The following GFRAL variants were observed in gnomAD, a reference collection of about 807,000 sequenced individuals.
GFRAL encodes the protein GDNF family receptor alpha like, also known as GDNF family receptor alpha-like.
GFRAL carries 36 observed loss-of-function variants against 45.4 expected under a neutral mutation model. That is an observed-to-expected ratio of 0.79 (90% CI 0.61 to 1.05). The LOEUF is 1.05. Among genes scored for constraint, GFRAL ranks in the 50% least tolerant of loss-of-function variants. The pLI is 0.00. For synonymous variants in GFRAL, 166 were observed against 154.1 expected, an observed-to-expected ratio of 1.08 and a Z score of -0.57; for missense variants, 507 against 467.5, an observed-to-expected ratio of 1.08 and a Z score of -0.78.
rs746131173 is a variant in GFRAL, at chr6:55,399,189, C to A, written c.962C>A (p.Thr321Asn). The change falls in exon 7 of 9, where the codon ACC becomes AAC. Residue 321 changes from threonine (T) to asparagine (N), a missense_variant. Physicochemically the swap from Thr to Asn is moderately conservative, Grantham distance 65. Transcript: ENST00000340465. ...TATGATTTTCTTTCAGATTATCCAA[C>A]CCTGTCTAATGTCAAAGGCATGGCA... ...LHRKSCFNYP[T>N]LSNVKGMALY... 7.7e-6 allele frequency: 12 copies of A among 1,566,482 alleles called. No individual in the cohort carries two copies. In the South Asian group the frequency reaches 1.2e-4, roughly 15 times the overall value.
intron 3 of GFRAL, 76 bp downstream of exon 3, chr6:55,334,020 A>G: frequency 1.2e-6 from 1 of 825,888 alleles, no homozygotes; most frequent in Non-Finnish European, 1.8e-6. Flanking sequence ...ACATCTATGT[A>G]ATGTGATTAA....
intron 3 of GFRAL, among the ~76,000 whole-genome samples, chr6:55,346,939 G>T (rs910792228): frequency 1.3e-5 from 2 of 151,250 alleles, no homozygotes; most frequent in Non-Finnish European, 2.9e-5. Flanking sequence ...AATATTGGTG[G>T]TAATTAATTT....
At chr6:55,395,173 A>ATATATATATATATATATAT (rs35935725) in intron 6 of GFRAL, among the ~76,000 whole-genome samples, 6 of 103,558 alleles carry the variant, frequency 5.8e-5, no homozygotes, top group African/African-American at 2.5e-4. Flanking sequence ...AAAAAAAAAA[A>ATATATATATATATATATAT]AAATATATAT....
intron 6 of GFRAL, among the ~76,000 whole-genome samples, chr6:55,390,418 G>A (rs1347459158): frequency 6.6e-6 from 1 of 152,148 alleles, no homozygotes; most frequent in East Asian, 1.9e-4. Flanking sequence ...TCAGGCTGAA[G>A]GCACAGTTGC....
At chr6:55,354,963 A>C (rs1768167822) in intron 5 of GFRAL, among the ~76,000 whole-genome samples, 1 of 151,950 alleles carries the variant, frequency 6.6e-6, no homozygotes, top group South Asian at 2.1e-4. Context: ...ATGTCTTGCC[A>C]ATTTCACAAA....
At chr6:55,377,117 G>A (rs1396862806) in intron 6 of GFRAL, among the ~76,000 whole-genome samples, 1 of 151,870 alleles carries the variant, frequency 6.6e-6, no homozygotes, top group Non-Finnish European at 1.5e-5. Context: ...CTACTGGCTG[G>A]GTGGATATCT....
At chr6:55,334,149 T>C (rs1267450103) in intron 3 of GFRAL, among the ~76,000 whole-genome samples, 2 of 152,156 alleles carry the variant, frequency 1.3e-5, no homozygotes, top group Non-Finnish European at 2.9e-5. Flanking sequence ...GTTCTTGATG[T>C]ACCTTGGGGT....
In GFRAL at chr6:55,379,510, A is replaced by G. The variant is rs757779440; in HGVS notation, c.953-19670A>G. On this transcript the variant is annotated intron_variant, in intron 6 of 8. Transcript: ENST00000340465. ...TATGTTTTGCTTTTTCCCCAAATTTATATATTTTTTAAATTGATATAAAAA... is the reference window on the plus strand; with the variant it reads ...TATGTTTTGCTTTTTCCCCAAATTTGTATATTTTTTAAATTGATATAAAAA... Among the ~76,000 whole-genome samples, 738 of 127,130 alleles carry G rather than the reference A, an allele frequency of 5.8e-3. 3 individuals carry two copies. Among genetic ancestry groups the G allele is most frequent in the Non-Finnish European group, 7.5e-3 (419 of 55,538 alleles). 83.4% of individuals were successfully genotyped at this position (127,130 alleles called of 152,430 possible).
At chr6:55,377,240 C>T (rs1037417301) in intron 6 of GFRAL, among the ~76,000 whole-genome samples, 1 of 151,994 alleles carries the variant, frequency 6.6e-6, no homozygotes, top group Non-Finnish European at 1.5e-5. Flanking sequence ...TAAGACAATT[C>T]TCCATATTTT....
rs182527384 is a variant in GFRAL at position 55,384,114 on chromosome 6, G to T, written c.953-15066G>T. Reference sequence around the variant, plus strand: ...AGGGAGGGGAACATCACACACTGGGGCCTGTTGGGGGGTTGGGAGCTAGTG... The same window carrying T: ...AGGGAGGGGAACATCACACACTGGGTCCTGTTGGGGGGTTGGGAGCTAGTG... On this transcript the variant is annotated intron_variant, in intron 6 of 8. Coordinates refer to ENST00000340465, the MANE Select transcript of GFRAL (RefSeq NM_207410.2). Among the ~76,000 whole-genome samples the T allele has an allele frequency of 3.9e-5, 6 of 152,100 alleles. No homozygotes were observed. In the East Asian group the frequency reaches 1.2e-3, roughly 29 times the overall value.
At chr6:55,395,850 C>T (rs1768818407) in intron 6 of GFRAL, among the ~76,000 whole-genome samples, 1 of 151,196 alleles carries the variant, frequency 6.6e-6, no homozygotes, top group African/African-American at 2.4e-5. Context: ...GAGAATATTA[C>T]CTAAATTTGT....
intron 6 of GFRAL, among the ~76,000 whole-genome samples, chr6:55,376,914 T>C (rs1295794244): frequency 6.6e-6 from 1 of 151,994 alleles, no homozygotes; most frequent in Non-Finnish European, 1.5e-5. Flanking sequence ...TTCAATCTTA[T>C]CTTTTACTAT....
intron 3 of GFRAL, among the ~76,000 whole-genome samples, chr6:55,348,935 T>C (rs1446062698): frequency 6.6e-6 from 1 of 152,100 alleles, no homozygotes; most frequent in African/African-American, 2.4e-5. Flanking sequence ...TAAAAGAATG[T>C]CCAGCCTAGA....
intron 6 of GFRAL, among the ~76,000 whole-genome samples, chr6:55,374,073 A>G (rs1214979515): frequency 2.0e-5 from 3 of 152,178 alleles, no homozygotes; most frequent in Non-Finnish European, 4.4e-5. Context: ...TGAAAAGGAT[A>G]TGATCTCATT....
Position 55,327,479 on chromosome 6 carries a change from CA to C in GFRAL, c.-75del. On this transcript the variant is annotated 5_prime_UTR_variant, in exon 1 of 9. Transcript: ENST00000340465. Reference sequence around the variant, plus strand: ...ACAGAGGCTGAAGCCTTATTCTGGACAGTTACTCTTAAGAAAGTTGTCAGAA... The same window carrying C: ...ACAGAGGCTGAAGCCTTATTCTGGACGTTACTCTTAAGAAAGTTGTCAGAA... 1 of 1,496,140 alleles carries C rather than the reference CA, an allele frequency of 6.7e-7. No homozygotes were observed. Among genetic ancestry groups the C allele is most frequent in the Non-Finnish European group, 9.3e-7 (1 of 1,076,484 alleles). 92.7% of individuals were successfully genotyped at this position (1,496,140 alleles called of 1,614,324 possible). A position where few individuals can be genotyped will look rare whatever the true frequency, so the allele number is the denominator to read the frequency against.
Position 55,338,852 on chromosome 6 carries a change from A to G in GFRAL, c.316+4908A>G, listed in dbSNP as rs78670521. ...TGAAAAGGAGGAAGGCTGAACTTAC[A>G]TATCTTTCTAAAGAGATTAGACTTT... On this transcript the variant is annotated intron_variant, in intron 3 of 8. Coordinates refer to ENST00000340465, the MANE Select transcript of GFRAL (RefSeq NM_207410.2). Among the ~76,000 whole-genome samples, 648 of 152,328 alleles carry G rather than the reference A, an allele frequency of 4.3e-3. 2 individuals are homozygous for G. Among genetic ancestry groups the G allele is most frequent in the Middle Eastern group, 0.031 (9 of 294 alleles).
rs375909531 is a variant in GFRAL, at chr6:55,351,333, T to C, written c.451T>C (p.Tyr151His). The change falls in exon 5 of 9, where the codon TAC becomes CAC. Residue 151 changes from tyrosine (Y) to histidine (H), a missense_variant. By Grantham distance (83) the Tyr-to-His change is moderately conservative. Coordinates refer to ENST00000340465, the MANE Select transcript of GFRAL (RefSeq NM_207410.2). The stretch of plus-strand genomic sequence containing the variant: ...GGTCTGTAATGCACAGTTGGCCTCT[T>C]ACCTTAAAGCTTGCTCAGCAAATGG... ...DVVCNAQLAS[Y>H]LKACSANGNP... 8 of 1,613,678 alleles carry C rather than the reference T, an allele frequency of 5.0e-6. No individual in the cohort carries two copies. The African/African-American group carries it at 1.1e-4, about 22-fold the overall frequency.
intron 6 of GFRAL, among the ~76,000 whole-genome samples, chr6:55,369,990 C>T (rs1267067482): frequency 6.6e-6 from 1 of 152,122 alleles, no homozygotes. Context: ...TAGCCTTGGG[C>T]TTGGAACTGG....
At chr6:55,353,159 G>A (rs116202544) in intron 5 of GFRAL, among the ~76,000 whole-genome samples, 2,011 of 152,116 alleles carry the variant, frequency 0.013, 25 homozygotes, top group Non-Finnish European at 0.022. Flanking sequence ...TATATCATAT[G>A]AGGGCTTGAA....
Sources: gnomAD v4.1 joint callset for allele counts (sites outside exome capture counted in the v4.1 genomes callset) on GRCh38, gnomAD v4.1.1 for gene constraint, MANE v1.5 for transcripts, NCBI Gene and HGNC (gene_info 2026-07-23, HGNC 2026-07-21) for gene names.